Variants in BICRAL observed in about 807,000 individuals in gnomAD.
BICRAL encodes the protein BRD4-interacting chromatin-remodeling complex-associated protein-like.
A neutral mutation model predicts 91.8 loss-of-function variants in BICRAL; 8 were observed. The ratio of observed to expected loss-of-function variants is 0.09; its 90% CI spans 0.05 to 0.16. The LOEUF (loss-of-function observed/expected upper bound fraction) is 0.16, where lower values mean the gene tolerates loss of function less well. BICRAL is among the 10% of genes least tolerant of loss of function. The pLI is 1.00. For synonymous variants in BICRAL, 445 were observed against 491.1 expected, an observed-to-expected ratio of 0.91 and a Z score of 1.24; for missense variants, 1,038 against 1,310.9, an observed-to-expected ratio of 0.79 and a Z score of 3.21.
At chr6:42,764,242 C>CAAA (rs1762600772) in intron 1 of BICRAL, among the ~76,000 whole-genome samples, 1 of 123,784 alleles carries the variant, frequency 8.1e-6, no homozygotes, top group African/African-American at 3.9e-5. Flanking sequence ...ACTTTGTTTC[C>CAAA]GAAAAAAAAA....
At chr6:42,752,792 CAG>C (rs1491468648) in intron 1 of BICRAL, among the ~76,000 whole-genome samples, 113 of 151,956 alleles carry the variant, frequency 7.4e-4, no homozygotes, top group Non-Finnish European at 1.2e-3. Context: ...TTAGTAGAAA[CAG>C]AGTTTTGCCA....
chr6:42,857,636 T>TATATA (rs58815206), intron 10 of BICRAL, among the ~76,000 whole-genome samples: 1 of 102,026 alleles, frequency 9.8e-6, no homozygotes. Flanking sequence ...TATATATATA[T>TATATA]TTTTTAGGAG....
chr6:42,752,037 T>G (rs1358435080), intron 1 of BICRAL, among the ~76,000 whole-genome samples: 8 of 151,582 alleles, frequency 5.3e-5, no homozygotes, highest in Non-Finnish European at 1.0e-4. Context: ...ATATATGGGA[T>G]GTAAAGCATT....
chr6:42,830,287 C>T, intron 6 of BICRAL, 115 bp downstream of exon 6: 1 of 1,097,086 alleles, frequency 9.1e-7, no homozygotes. Context: ...AATTTTAGGC[C>T]AGGTGTAGTG....
intron 1 of BICRAL, among the ~76,000 whole-genome samples, chr6:42,766,614 G>C (rs1384701553): frequency 6.6e-6 from 1 of 152,046 alleles, no homozygotes; most frequent in Admixed American, 6.6e-5. Context: ...CCGAGCGGGT[G>C]GATCACTTGA....
chr6:42,843,220 C>T (rs1764863276), intron 6 of BICRAL, among the ~76,000 whole-genome samples: 1 of 152,050 alleles, frequency 6.6e-6, no homozygotes, highest in Admixed American at 6.6e-5. Context: ...GAGCCTCTAA[C>T]CCAGTTGGGA....
intron 6 of BICRAL, among the ~76,000 whole-genome samples, chr6:42,831,768 T>A (rs1280613593): frequency 6.6e-6 from 1 of 150,780 alleles, no homozygotes; most frequent in African/African-American, 2.4e-5. Context: ...TGAGACAGTC[T>A]CACTCTGTTG....
chr6:42,797,042 C>G (rs1763432255), intron 1 of BICRAL, among the ~76,000 whole-genome samples: 1 of 113,578 alleles, frequency 8.8e-6, no homozygotes, highest in Non-Finnish European at 1.7e-5. Context: ...GAAACTCTGT[C>G]TCAAAAAAAA....
intron 6 of BICRAL, among the ~76,000 whole-genome samples, chr6:42,839,671 G>T (rs1041115968): frequency 2.0e-5 from 3 of 152,002 alleles, no homozygotes; most frequent in Non-Finnish European, 4.4e-5. Flanking sequence ...ATATCTCTAA[G>T]AGATCATGTA....
intron 1 of BICRAL, among the ~76,000 whole-genome samples, chr6:42,756,989 T>G (rs1053742302): frequency 2.8e-5 from 4 of 141,496 alleles, no homozygotes; most frequent in African/African-American, 1.1e-4. Flanking sequence ...AGTTCAAGCT[T>G]CTTTTCACAG....
chr6:42,793,530 C>T (rs1019699246), intron 1 of BICRAL, among the ~76,000 whole-genome samples: 2 of 151,296 alleles, frequency 1.3e-5, no homozygotes, highest in African/African-American at 4.9e-5. Context: ...TTCAAGTGAT[C>T]CACCAGCCTT....
intron 2 of BICRAL, among the ~76,000 whole-genome samples, chr6:42,818,450 T>G (rs754427880): frequency 2.0e-5 from 3 of 152,192 alleles, no homozygotes; most frequent in Admixed American, 1.3e-4. Flanking sequence ...CTTTGTGTAT[T>G]AGGGAGAAAA....
At chr6:42,797,388 C>T (rs962975256) in intron 1 of BICRAL, among the ~76,000 whole-genome samples, 5 of 151,638 alleles carry the variant, frequency 3.3e-5, no homozygotes, top group East Asian at 3.9e-4. Context: ...TTCTTTTATA[C>T]GTTAAAATCC....
chr6:42,788,222 CTTTTTTTTTT>C (rs11304715), intron 1 of BICRAL, among the ~76,000 whole-genome samples: 2 of 113,396 alleles, frequency 1.8e-5, no homozygotes, highest in Non-Finnish European at 3.5e-5. Context: ...GAGCAGCATT[CTTTTTTTTTT>C]TTTTTTTTTT....
rs375642254 is a variant in BICRAL at position 42,853,680 on chromosome 6, C to T, written c.1988C>T (p.Thr663Ile). ...GSKVISASLG[T>I]AQPQQEKVVG... ...AAAGTTATATCCGCATCCTTAGGAA[C>T]CGCACAACCACAGCAGGAAAAAGTA... The change falls in exon 8 of 13, where the codon ACC becomes ATC. Residue 663 changes from threonine to isoleucine, a missense_variant. Thr to Ile is a moderately conservative substitution (Grantham distance 89). This residue lies in a region of BICRAL where 532 missense variants were observed against 724.9 expected (regional missense o/e 0.73). Transcript: ENST00000314073. The T allele has an allele frequency of 1.2e-6, 2 of 1,614,106 alleles. No homozygotes were observed. The highest frequency in any genetic ancestry group is 1.7e-6 in the Non-Finnish European group (2 of 1,179,932).
upstream of BICRAL, among the ~76,000 whole-genome samples, chr6:42,780,844 C>G (rs1762889016): frequency 6.6e-6 from 1 of 152,096 alleles, no homozygotes; most frequent in African/African-American, 2.4e-5. Flanking sequence ...TCAAGCGATT[C>G]TCCTGCCTCA....
chr6:42,796,074 T>C (rs1056966272), intron 1 of BICRAL, among the ~76,000 whole-genome samples: 2 of 152,138 alleles, frequency 1.3e-5, no homozygotes, highest in Non-Finnish European at 2.9e-5. Flanking sequence ...TCAGCAAATA[T>C]TATTGAGCAC....
chr6:42,782,804 C>T (rs1762958832), intron 1 of BICRAL, among the ~76,000 whole-genome samples: 1 of 150,854 alleles, frequency 6.6e-6, no homozygotes, highest in Admixed American at 6.6e-5. Context: ...CGCGGCGGGG[C>T]CGCGAGCAGG....
chr6:42,786,626 T>C (rs973848083), intron 1 of BICRAL, among the ~76,000 whole-genome samples: 1 of 152,072 alleles, frequency 6.6e-6, no homozygotes, highest in African/African-American at 2.4e-5. Context: ...TAATGACAGA[T>C]TAAGAAAAAA....
Sources: allele counts gnomAD v4.1 joint callset (sites outside exome capture counted in the v4.1 genomes callset), GRCh38; gene constraint gnomAD v4.1.1; regional missense constraint gnomAD v4.1.1; transcripts MANE v1.5; gene names NCBI Gene and HGNC (gene_info 2026-07-23, HGNC 2026-07-21).